The following RBFOX1 variants were observed in gnomAD, a reference collection of about 807,000 sequenced individuals.
The protein encoded by RBFOX1 is RNA binding fox-1 homolog 1, also known as RNA binding protein fox-1 homolog 1.
Under a neutral mutation model 57.7 loss-of-function variants are expected in RBFOX1, and 8 were observed. The observed-to-expected ratio is 0.14, with a 90% confidence interval of 0.08 to 0.25. The LOEUF is 0.25. RBFOX1 is among the 10% of genes least tolerant of loss of function. The probability of loss-of-function intolerance (pLI) is 1.00; values close to 1 mark genes in which losing one functional copy is unlikely to be tolerated. For synonymous variants in RBFOX1, 326 were observed against 222.4 expected (o/e 1.47, Z -4.15); for missense variants, 611 against 548.5 (o/e 1.11, Z -1.14).
At chr16:6,784,329 CTG>C (rs2081543895) in intron 3 of RBFOX1, among the ~76,000 whole-genome samples, 1 of 151,962 alleles carries the variant, frequency 6.6e-6, no homozygotes, top group Non-Finnish European at 1.5e-5. Context: ...TCTCTACAGA[CTG>C]TATTTTCAAA....
chr16:6,780,576 A>ATATATT (rs2080841029), intron 3 of RBFOX1, among the ~76,000 whole-genome samples: 1 of 138,436 alleles, frequency 7.2e-6, no homozygotes, highest in East Asian at 2.1e-4. Context: ...ATATATTTAT[A>ATATATT]TATATATTTA....
intron 2 of RBFOX1, among the ~76,000 whole-genome samples, chr16:5,489,906 A>G (rs527467711): frequency 6.6e-6 from 1 of 152,156 alleles, no homozygotes; most frequent in Non-Finnish European, 1.5e-5. Context: ...CCTTCTTGGC[A>G]CCTTAAGCGC....
intron 4 of RBFOX1, among the ~76,000 whole-genome samples, chr16:6,008,303 G>T (rs893089473): frequency 1.3e-5 from 2 of 150,690 alleles, no homozygotes; most frequent in African/African-American, 4.9e-5. Context: ...CCAGGAGTGT[G>T]GTGTTCCTGA....
chr16:6,013,119 A>T (rs1034016959), intron 4 of RBFOX1, among the ~76,000 whole-genome samples: 3 of 152,170 alleles, frequency 2.0e-5, no homozygotes, highest in African/African-American at 7.2e-5. Context: ...GATGTTTTTT[A>T]AAAATCTTGT....
At chr16:5,628,201 A>C in intron 3 of RBFOX1, among the ~76,000 whole-genome samples, 1 of 152,236 alleles carries the variant, frequency 6.6e-6, no homozygotes, top group East Asian at 1.9e-4. Flanking sequence ...ATTGAGAAAT[A>C]CATTGCAGCC....
At chr16:7,599,029 C>G (rs569437443) in intron 9 of RBFOX1, among the ~76,000 whole-genome samples, 6 of 152,316 alleles carry the variant, frequency 3.9e-5, no homozygotes, top group Admixed American at 6.5e-5. Context: ...TAATAGGGCT[C>G]TAAGTTGAAA....
chr16:5,639,810 G>A (rs1443576229), intron 3 of RBFOX1, among the ~76,000 whole-genome samples: 4 of 152,142 alleles, frequency 2.6e-5, no homozygotes, highest in African/African-American at 7.2e-5. Context: ...GGCTGGTGTC[G>A]CTCTGTTCTC....
chr16:7,081,462 C>G (rs1488744330), intron 4 of RBFOX1, among the ~76,000 whole-genome samples: 1 of 152,182 alleles, frequency 6.6e-6, no homozygotes, highest in African/African-American at 2.4e-5. Context: ...CAAAGGGAAG[C>G]TGTTCTTGGC....
chr16:7,110,181 G>A (rs534708512), intron 4 of RBFOX1, among the ~76,000 whole-genome samples: 13 of 102,504 alleles, frequency 1.3e-4, no homozygotes, highest in South Asian at 4.9e-4. Flanking sequence ...GAGACCCCCC[G>A]TGTCTCAAAA....
intron 3 of RBFOX1, among the ~76,000 whole-genome samples, chr16:5,841,555 A>G (rs2056626539): frequency 1.3e-5 from 2 of 152,232 alleles, no homozygotes; most frequent in Admixed American, 6.5e-5. Context: ...GTACAACCAA[A>G]CATTCAGATA....
At chr16:7,509,964 G>GC (rs2074545619) in intron 4 of RBFOX1, among the ~76,000 whole-genome samples, 2 of 57,022 alleles carry the variant, frequency 3.5e-5, no homozygotes, top group Admixed American at 2.4e-4. Context: ...GTCGAGCAGT[G>GC]GGTTTTTTTT....
chr16:6,008,541 A>G (rs186369474), intron 4 of RBFOX1, among the ~76,000 whole-genome samples: 6 of 152,268 alleles, frequency 3.9e-5, no homozygotes, highest in Non-Finnish European at 8.8e-5. Flanking sequence ...GCACATCCAA[A>G]TCAAGATTGC....
chr16:5,780,647 C>A (rs1368047881), intron 3 of RBFOX1, among the ~76,000 whole-genome samples: 1 of 152,102 alleles, frequency 6.6e-6, no homozygotes, highest in Non-Finnish European at 1.5e-5. Context: ...GCAAAGTAGG[C>A]TGCCTCCTCT....
At chr16:6,878,889 C>G (rs923397206) in intron 3 of RBFOX1, among the ~76,000 whole-genome samples, 1 of 152,106 alleles carries the variant, frequency 6.6e-6, no homozygotes, top group East Asian at 1.9e-4. Context: ...GATAGTTCTC[C>G]CAGTACCATC....
intron 4 of RBFOX1, among the ~76,000 whole-genome samples, chr16:7,505,899 T>A (rs1259426065): frequency 6.6e-6 from 1 of 151,928 alleles, no homozygotes; most frequent in Non-Finnish European, 1.5e-5. Context: ...AAGAGATAAT[T>A]TTCTGGCCAG....
At chr16:6,631,779 C>T (rs529295917) in intron 2 of RBFOX1, among the ~76,000 whole-genome samples, 2 of 152,048 alleles carry the variant, frequency 1.3e-5, no homozygotes, top group African/African-American at 2.4e-5. Flanking sequence ...GAGCAGCCAC[C>T]GGGAGGCTCA....
At position 6,509,998 on chromosome 16, in the gene RBFOX1, A is replaced by G. The variant is rs1456245230; in HGVS notation, c.-63-144605A>G. ...TGGCCAACCTTAGACAATTGGCCAC[A>G]TGCGATTCAGGGCAGGGGTGGTGTC... On this transcript the variant is annotated intron_variant, in intron 2 of 15. Transcript: ENST00000550418. Among the ~76,000 whole-genome samples the G allele has an allele frequency of 2.0e-5, 3 of 152,244 alleles. No individual in the cohort carries two copies. In the East Asian group the frequency reaches 5.9e-4, roughly 30 times the overall value.
rs114071931 is a variant in RBFOX1, at chr16:5,832,259, T to G, written c.319-35044T>G. ...GCCCCAGGGCCTCCTGAAACAGGAG[T>G]AAGGCTGTGGAAGTAGTTCTTTACC... On this transcript the variant is annotated intron_variant, in intron 3 of 19. Transcript: ENST00000641259. Among the ~76,000 whole-genome samples, 204 of 152,144 alleles carry G rather than the reference T, an allele frequency of 1.3e-3. 2 individuals are homozygous for G. The highest frequency in any genetic ancestry group is 4.6e-3 in the African/African-American group (189 of 41,514).
chr16:5,559,337 A>T (rs935429742), intron 2 of RBFOX1, among the ~76,000 whole-genome samples: 2 of 152,148 alleles, frequency 1.3e-5, no homozygotes, highest in Non-Finnish European at 2.9e-5. Flanking sequence ...GATCATAGTA[A>T]ACATTGATGT....
Sources: allele counts gnomAD v4.1 joint callset (sites outside exome capture counted in the v4.1 genomes callset), GRCh38; gene constraint gnomAD v4.1.1; transcripts MANE v1.5; gene names NCBI Gene and HGNC (gene_info 2026-07-23, HGNC 2026-07-21).